Variants in WDPCP observed in about 807,000 individuals in gnomAD.
The protein encoded by WDPCP is WD repeat containing planar cell polarity effector.
In WDPCP, 71 loss-of-function variants were observed where a neutral mutation model predicts 93.1. The observed-to-expected ratio is 0.76, with a 90% confidence interval of 0.63 to 0.93. The LOEUF is 0.93. Among genes scored for constraint, WDPCP ranks in the 40% least tolerant of loss-of-function variants. The pLI is 0.00. For synonymous variants in WDPCP, 315 were observed against 315.0 expected (o/e 1.00, Z 0.00); for missense variants, 844 against 887.4 (o/e 0.95, Z 0.62).
chr2:63,605,271 C>G (rs894585140), intron 3 of WDPCP: 21 of 1,587,274 alleles, frequency 1.3e-5, no homozygotes, highest in Admixed American at 8.4e-5. Context: ...TCACCTGCCC[C>G]CTTCCCAGAC....
chr2:63,702,538 CT>C (rs67899382), intron 2 of WDPCP, among the ~76,000 whole-genome samples: 31 of 147,136 alleles, frequency 2.1e-4, no homozygotes, highest in Admixed American at 3.4e-4. Context: ...GCTACCCATT[CT>C]TTTTTTTTTT....
At chr2:63,150,033 C>G (rs968391269) in intron 17 of WDPCP, among the ~76,000 whole-genome samples, 1 of 151,766 alleles carries the variant, frequency 6.6e-6, no homozygotes, top group South Asian at 2.1e-4. Context: ...ATGGAACTTG[C>G]CTCATATGGG....
rs989577578 is a variant in WDPCP, at chr2:63,588,089, G to A, written c.75+108C>T. ...CTCCGCTCAGAAAAGGGACCGGCGA[G>A]CTTGCAGGCATCCGCACAGCGGATA... On this transcript the variant is annotated intron_variant, in intron 1 of 17. Coordinates refer to ENST00000272321, the MANE Select transcript of WDPCP (RefSeq NM_015910.7). 10 of 1,327,428 alleles carry A rather than the reference G, an allele frequency of 7.5e-6. No homozygotes were observed. The Admixed American group carries it at 9.9e-5, about 13-fold the overall frequency. 82.2% of individuals were successfully genotyped at this position (1,327,428 alleles called of 1,614,324 possible).
chr2:63,196,567 T>C (rs955747519), intron 14 of WDPCP, among the ~76,000 whole-genome samples: 1 of 152,168 alleles, frequency 6.6e-6, no homozygotes, highest in East Asian at 1.9e-4. Flanking sequence ...AGCTGGAGAA[T>C]TTAATGCCAG....
chr2:63,274,368 C>T (rs780715063), intron 13 of WDPCP, among the ~76,000 whole-genome samples: 12 of 151,928 alleles, frequency 7.9e-5, no homozygotes, highest in Middle Eastern at 3.2e-3. Flanking sequence ...CTTTTTTGTA[C>T]ATCAGAAAAG....
intron 10 of WDPCP, among the ~76,000 whole-genome samples, chr2:63,399,125 G>T (rs569892642): frequency 6.6e-6 from 1 of 152,240 alleles, no homozygotes; most frequent in Admixed American, 6.6e-5. Context: ...CTTTTAAAGA[G>T]CCTATAAGAC....
upstream of WDPCP, among the ~76,000 whole-genome samples, chr2:63,831,360 T>G (rs966210752): frequency 6.6e-6 from 1 of 152,146 alleles, no homozygotes; most frequent in Admixed American, 6.5e-5. Context: ...CACTCCAGTC[T>G]CCTCTCTCCT....
upstream of WDPCP, among the ~76,000 whole-genome samples, chr2:63,591,710 A>G (rs1709204743): frequency 6.6e-6 from 1 of 152,218 alleles, no homozygotes; most frequent in South Asian, 2.1e-4. Flanking sequence ...AATCCATATC[A>G]AAGACAGACT....
At chr2:63,462,416 C>A (rs773815818) in intron 6 of WDPCP, among the ~76,000 whole-genome samples, 1 of 152,060 alleles carries the variant, frequency 6.6e-6, no homozygotes, top group Non-Finnish European at 1.5e-5. Context: ...AGCTAATGGG[C>A]GCAGCACACC....
upstream of WDPCP, among the ~76,000 whole-genome samples, chr2:63,592,627 G>C (rs1387520014): frequency 6.6e-6 from 1 of 152,176 alleles, no homozygotes; most frequent in African/African-American, 2.4e-5. Context: ...TGGGATTGTA[G>C]GTGTGAGCCA....
intron 14 of WDPCP, among the ~76,000 whole-genome samples, chr2:63,258,439 G>A (rs1681328251): frequency 6.6e-6 from 1 of 152,158 alleles, no homozygotes; most frequent in African/African-American, 2.4e-5. Flanking sequence ...TGGCATCAGA[G>A]AGAAGCTGAC....
Position 63,382,169 on chromosome 2 carries a change from A to G in WDPCP, c.1436-75T>C, listed in dbSNP as rs1380048155. 1.3e-5 allele frequency: 19 copies of G among 1,467,392 alleles called. No homozygotes were observed. The Admixed American group carries it at 3.4e-4, about 26-fold the overall frequency. 90.9% of individuals were successfully genotyped at this position (1,467,392 alleles called of 1,614,324 possible). On this transcript the variant is annotated intron_variant, in intron 10 of 17. Coordinates refer to ENST00000272321, the MANE Select transcript of WDPCP (RefSeq NM_015910.7). ...TAACAAAAAGAGTTAATTTTTCCAT[A>G]AAGAAAAAAACCTATATTGCTTGCA...
At chr2:63,701,283 A>G (rs1188927803) in intron 2 of WDPCP, among the ~76,000 whole-genome samples, 1 of 152,200 alleles carries the variant, frequency 6.6e-6, no homozygotes, top group African/African-American at 2.4e-5. Flanking sequence ...CATCAGAGAA[A>G]TGCAAATCAA....
chr2:63,465,784 G>A (rs986078230), intron 6 of WDPCP, among the ~76,000 whole-genome samples: 1 of 152,120 alleles, frequency 6.6e-6, no homozygotes, highest in Non-Finnish European at 1.5e-5. Flanking sequence ...TGATTATTGT[G>A]TAGTAGCTGC....
chr2:63,524,625 T>C (rs1252810016), intron 1 of WDPCP, among the ~76,000 whole-genome samples: 4 of 152,162 alleles, frequency 2.6e-5, no homozygotes, highest in Non-Finnish European at 5.9e-5. Context: ...AAGATTTAAA[T>C]GTGAAACCTA....
At chr2:63,557,747 G>A (rs529751142) in intron 1 of WDPCP, among the ~76,000 whole-genome samples, 3 of 152,130 alleles carry the variant, frequency 2.0e-5, no homozygotes, top group African/African-American at 7.2e-5. Flanking sequence ...ATAATTGAAA[G>A]TAAAACACTC....
At chr2:63,206,747 T>A (rs1676366203) in intron 14 of WDPCP, among the ~76,000 whole-genome samples, 1 of 152,186 alleles carries the variant, frequency 6.6e-6, no homozygotes, top group African/African-American at 2.4e-5. Flanking sequence ...ATATTTTTAT[T>A]TGTTTTGGGT....
chr2:63,649,524 T>C (rs1440048259), intron 3 of WDPCP, among the ~76,000 whole-genome samples: 1 of 152,202 alleles, frequency 6.6e-6, no homozygotes, highest in Non-Finnish European at 1.5e-5. Context: ...GTGTACAAGA[T>C]TTTGTGGGAA....
At chr2:63,593,003 T>C (rs1164960703), upstream of WDPCP, 2 of 151,784 alleles carry the variant, frequency 1.3e-5, no homozygotes, top group Non-Finnish European at 2.9e-5. Flanking sequence ...CTATAAATAG[T>C]AATAAATTAG....
Sources: gnomAD v4.1 joint callset for allele counts (sites outside exome capture counted in the v4.1 genomes callset) on GRCh38, gnomAD v4.1.1 for gene constraint, MANE v1.5 for transcripts, NCBI Gene and HGNC (gene_info 2026-07-23, HGNC 2026-07-21) for gene names.